GGA2: variants seen among roughly 807,000 people sequenced by gnomAD.
GGA2 encodes ADP-ribosylation factor-binding protein GGA2.
GGA2 carries 48 observed loss-of-function variants against 79.5 expected under a neutral mutation model. The observed-to-expected ratio is 0.60, with a 90% CI of 0.48 to 0.77. GGA2 has a LOEUF of 0.77. Ranked by LOEUF, GGA2 falls within the 30% of genes least tolerant of loss-of-function variation. The pLI, the probability that GGA2 is intolerant of heterozygous loss-of-function variation, is 0.00. For missense variants in GGA2, 770 were observed against 774.0 expected (o/e 0.99, Z 0.06); for synonymous variants, 317 against 302.0 (o/e 1.05, Z -0.51).
intron 5 of GGA2, among the ~76,000 whole-genome samples, chr16:23,489,451 G>A (rs1471325476): frequency 2.0e-5 from 3 of 152,074 alleles, no homozygotes; most frequent in Non-Finnish European, 1.5e-5. Flanking sequence ...ATGTTGCCCA[G>A]GCTGGTCTCA....
intron 8 of GGA2, 45 bp downstream of exon 8, chr16:23,485,970 C>T (rs1964706273): frequency 6.3e-7 from 1 of 1,584,600 alleles, no homozygotes; most frequent in Admixed American, 1.8e-5. Flanking sequence ...ATTTCAAACC[C>T]ACTTTAGTAA....
chr16:23,485,882 AACG>A (rs1964705122), intron 8 of GGA2, 130 bp downstream of exon 8: 2 of 808,380 alleles, frequency 2.5e-6, no homozygotes, highest in South Asian at 3.4e-5. Flanking sequence ...AAAGCAGCAC[AACG>A]ACATTTGGGG....
At chr16:23,490,751 AAAG>A (rs1326338200) in intron 5 of GGA2, among the ~76,000 whole-genome samples, 6 of 152,046 alleles carry the variant, frequency 3.9e-5, no homozygotes, top group East Asian at 1.9e-4. Context: ...AAAAAAAAAA[AAAG>A]AAGTAAATAA....
chr16:23,479,616 C>A (rs1258408128), intron 11 of GGA2, 149 bp downstream of exon 11: 30 of 868,206 alleles, frequency 3.5e-5, no homozygotes, highest in Non-Finnish European at 5.0e-5. Flanking sequence ...CAGCAGCAAG[C>A]ACGTGCTCCC....
At chr16:23,512,321 C>T (rs1210971968), upstream of GGA2, among the ~76,000 whole-genome samples, 2 of 152,182 alleles carry the variant, frequency 1.3e-5, no homozygotes, top group East Asian at 3.8e-4. Context: ...GGCCTTGATC[C>T]CCCGTATGGC....
At chr16:23,483,607 C>G (rs143632395) in intron 8 of GGA2, among the ~76,000 whole-genome samples, 295 of 152,248 alleles carry the variant, frequency 1.9e-3, no homozygotes, top group Non-Finnish European at 3.4e-3. Flanking sequence ...CTGCCTCGAA[C>G]CTGGCACAGA....
chr16:23,519,325 G>A (rs1837465966), intron 2 of GGA2, among the ~76,000 whole-genome samples: 1 of 152,148 alleles, frequency 6.6e-6, no homozygotes, highest in Non-Finnish European at 1.5e-5. Context: ...TTACATGCAT[G>A]AGCCGCCGTG....
chr16:23,491,773 C>G lies in GGA2; in HGVS notation c.379G>C (p.Val127Leu), dbSNP rs201963634. 6.2e-7 allele frequency: 1 copy of G among 1,612,518 alleles called. No individual in the cohort carries two copies. The highest frequency in any genetic ancestry group is 2.2e-5 in the East Asian group (1 of 44,868). The change falls in exon 5 of 17, where the codon GTT (valine) becomes CTT (leucine). Residue 127 changes from valine to leucine, a missense_variant. Transcript: ENST00000309859. ...KYLGSWATGK[V>L]KGRVIEILFS... ...AGTATTTCAATGACTCTTCCTTTAA[C>G]TTTTCCTGTGGCCCAGGACCCCAGG...
At chr16:23,494,037 T>C in intron 3 of GGA2, 2 of 492,064 alleles carry the variant, frequency 4.1e-6, no homozygotes, top group East Asian at 3.5e-5. Flanking sequence ...TTGCCAGCCC[T>C]GGTCTAAGAA....
chr16:23,482,990 C>A lies in GGA2; in HGVS notation c.813G>T (p.Arg271Ser). The A allele has an allele frequency of 2.5e-6, 4 of 1,610,802 alleles. No homozygotes were observed. Among genetic ancestry groups the A allele is most frequent in the Non-Finnish European group, 3.4e-6 (4 of 1,177,024 alleles). ...DQEALQVVYERCEKLRPTLFR... is the reference protein window; with the variant it reads ...DQEALQVVYESCEKLRPTLFR... ...ACAGCGTGGGCCGCAGCTTTTCACA[C>A]CTCTCATACACGACCTGAAAGAGCA... Residue 271 changes from arginine to serine, a missense_variant, in exon 9 of 17, where the codon AGG becomes AGT. By Grantham distance (110) the Arg-to-Ser change is moderately radical. Coordinates refer to ENST00000309859, the MANE Select transcript of GGA2 (RefSeq NM_015044.4).
intron 5 of GGA2, among the ~76,000 whole-genome samples, chr16:23,491,323 A>AC (rs1293444174): frequency 6.6e-6 from 1 of 151,414 alleles, no homozygotes; most frequent in Non-Finnish European, 1.5e-5. Context: ...AAAAAAAAAA[A>AC]AAAAAACCAA....
intron 2 of GGA2, among the ~76,000 whole-genome samples, chr16:23,494,612 C>A (rs973782212): frequency 1.3e-5 from 2 of 152,194 alleles, no homozygotes; most frequent in African/African-American, 4.8e-5. Context: ...ACTGCCCTCC[C>A]CTCAGCCAAC....
chr16:23,514,123 C>CT (rs1965090179), upstream of GGA2, among the ~76,000 whole-genome samples: 2 of 151,180 alleles, frequency 1.3e-5, no homozygotes, highest in Non-Finnish European at 3.0e-5. Flanking sequence ...TTTGATGAAA[C>CT]TTTTTTTGAT....
rs543335836 is a variant in GGA2 at position 23,487,659 on chromosome 16, T to C, written c.580-869A>G. Among the ~76,000 whole-genome samples the C allele has an allele frequency of 4.6e-5, 7 of 152,124 alleles. No individual in the cohort carries two copies. In the South Asian group the frequency reaches 1.2e-3, roughly 27 times the overall value. On this transcript the variant is annotated intron_variant, in intron 6 of 16. Transcript: ENST00000309859. ...TGAGGGCTGGTGACACAGGATTGTT[T>C]CTCAGAAGTCACACCATACCTCCTT...
chr16:23,478,780 A>G (rs1009006838), intron 12 of GGA2, 103 bp downstream of exon 12: 1 of 851,458 alleles, frequency 1.2e-6, no homozygotes, highest in Non-Finnish European at 2.0e-6. Flanking sequence ...TCCCACCGGG[A>G]CAGTGCAGGA....
chr16:23,488,937 G>A (rs967178132), intron 5 of GGA2, among the ~76,000 whole-genome samples: 16 of 152,192 alleles, frequency 1.1e-4, no homozygotes, highest in African/African-American at 3.9e-4. Context: ...TGTCAGAGAA[G>A]AGCCAGTCCT....
intron 14 of GGA2, among the ~76,000 whole-genome samples, chr16:23,471,886 G>A (rs756903322): frequency 9.2e-5 from 14 of 152,074 alleles, no homozygotes; most frequent in African/African-American, 1.4e-4. Context: ...TCCTGCCTAG[G>A]CGATGGAGCG....
At chr16:23,497,602 C>A (rs530551760) in intron 1 of GGA2, among the ~76,000 whole-genome samples, 1 of 152,294 alleles carries the variant, frequency 6.6e-6, no homozygotes, top group East Asian at 1.9e-4. Flanking sequence ...TCCCCACCCC[C>A]GCAAAGCTCT....
chr16:23,496,622 C>G (rs1441289912), intron 1 of GGA2, among the ~76,000 whole-genome samples: 11 of 151,992 alleles, frequency 7.2e-5, no homozygotes, highest in Admixed American at 7.2e-4. Flanking sequence ...AGTTTGAGAC[C>G]AGCATGGGCA....
Sources: allele counts gnomAD v4.1 joint callset (sites outside exome capture counted in the v4.1 genomes callset), GRCh38; gene constraint gnomAD v4.1.1; transcripts MANE v1.5; gene names NCBI Gene and HGNC (gene_info 2026-07-23, HGNC 2026-07-21).